The following ROBO1 variants were observed in gnomAD, a reference collection of about 807,000 sequenced individuals.
The protein encoded by ROBO1 is roundabout homolog 1.
A neutral mutation model predicts 195.9 loss-of-function variants in ROBO1; 149 were observed. The observed-to-expected ratio is 0.76, with a 90% CI of 0.67 to 0.87. The LOEUF is 0.87. Ranked by LOEUF, ROBO1 falls within the 40% of genes least tolerant of loss-of-function variation. ROBO1 has a pLI of 0.00. For missense variants in ROBO1, 1,933 were observed against 2,068.3 expected (o/e 0.93, Z 1.27); for synonymous variants, 816 against 733.2 (o/e 1.11, Z -1.82).
intron 8 of ROBO1, chr3:78,693,454 T>C (rs957146820): frequency 1.4e-5 from 12 of 878,842 alleles, no homozygotes; most frequent in Non-Finnish European, 2.2e-5. Flanking sequence ...CAATGATTCT[T>C]CTTTTAAGAT....
At chr3:79,602,303 G>T (rs1230427213) in intron 1 of ROBO1, among the ~76,000 whole-genome samples, 1 of 151,984 alleles carries the variant, frequency 6.6e-6, no homozygotes, top group Non-Finnish European at 1.5e-5. Flanking sequence ...GCACAAAGAT[G>T]TAACAAAAAG....
At chr3:78,885,732 A>G (rs1310018778) in intron 4 of ROBO1, among the ~76,000 whole-genome samples, 2 of 151,258 alleles carry the variant, frequency 1.3e-5, no homozygotes, top group African/African-American at 4.8e-5. Flanking sequence ...TCACATGTGT[A>G]ATAGCAGACA....
chr3:79,351,230 T>C (rs1447682788), intron 2 of ROBO1, among the ~76,000 whole-genome samples: 8 of 152,192 alleles, frequency 5.3e-5, no homozygotes, highest in African/African-American at 1.7e-4. Flanking sequence ...CTTCAGGCAC[T>C]TCAAATATAT....
At chr3:79,470,689 G>T (rs1421163963) in intron 2 of ROBO1, among the ~76,000 whole-genome samples, 2 of 151,974 alleles carry the variant, frequency 1.3e-5, no homozygotes, top group East Asian at 3.9e-4. Context: ...AGTCTCAAGA[G>T]GTCTGATGGT....
chr3:79,517,556 T>C (rs1941004253), intron 2 of ROBO1, among the ~76,000 whole-genome samples: 1 of 152,194 alleles, frequency 6.6e-6, no homozygotes. Flanking sequence ...ACCTCCTTCA[T>C]ATCTGTGACT....
chr3:79,198,603 C>A (rs2081691568), intron 2 of ROBO1, among the ~76,000 whole-genome samples: 1 of 152,054 alleles, frequency 6.6e-6, no homozygotes, highest in Admixed American at 6.6e-5. Flanking sequence ...ATGGGGATAG[C>A]ATTGAATCTA....
chr3:78,859,537 C>T (rs1362934758), intron 4 of ROBO1, among the ~76,000 whole-genome samples: 1 of 151,732 alleles, frequency 6.6e-6, no homozygotes, highest in Non-Finnish European at 1.5e-5. Context: ...TAGAATAGGA[C>T]CAAGGGAATA....
At chr3:79,168,907 C>T (rs564284888) in intron 2 of ROBO1, among the ~76,000 whole-genome samples, 14 of 152,140 alleles carry the variant, frequency 9.2e-5, no homozygotes, top group African/African-American at 3.4e-4. Context: ...TAGGAAAATC[C>T]TAAATGAGAA....
chr3:78,734,835 T>C (rs1297249800), intron 5 of ROBO1, among the ~76,000 whole-genome samples: 1 of 152,140 alleles, frequency 6.6e-6, no homozygotes, highest in Non-Finnish European at 1.5e-5. Context: ...CTAGAAAATA[T>C]TTTGTCTGGC....
intron 5 of ROBO1, among the ~76,000 whole-genome samples, chr3:78,720,484 A>C (rs546813513): frequency 5.9e-5 from 9 of 152,322 alleles, no homozygotes; most frequent in South Asian, 2.1e-4. Context: ...GAACACTTTT[A>C]CACTGTTGGT....
intron 1 of ROBO1, among the ~76,000 whole-genome samples, chr3:79,759,479 C>A (rs552716757): frequency 2.6e-5 from 4 of 152,252 alleles, no homozygotes; most frequent in South Asian, 2.1e-4. Flanking sequence ...TAAGGTTTAC[C>A]TTTGCTATAG....
chr3:79,610,159 T>C (rs1437404345), intron 1 of ROBO1, among the ~76,000 whole-genome samples: 3 of 151,916 alleles, frequency 2.0e-5, no homozygotes, highest in African/African-American at 7.2e-5. Context: ...TCGTCTCTCT[T>C]TATCCGTGGG....
chr3:79,184,942 G>C (rs1424652911), intron 2 of ROBO1, among the ~76,000 whole-genome samples: 1 of 152,084 alleles, frequency 6.6e-6, no homozygotes, highest in African/African-American at 2.4e-5. Context: ...TTGAGTAGTG[G>C]AGAAGCATAG....
At chr3:78,629,883 G>A (rs990103760) in intron 25 of ROBO1, among the ~76,000 whole-genome samples, 6 of 152,140 alleles carry the variant, frequency 3.9e-5, no homozygotes, top group Non-Finnish European at 8.8e-5. Flanking sequence ...GATACACTTT[G>A]CTTTCTTGTG....
chr3:79,578,536 T>C (rs527309132), intron 2 of ROBO1, among the ~76,000 whole-genome samples: 95 of 152,306 alleles, frequency 6.2e-4, no homozygotes, highest in Non-Finnish European at 1.2e-3. Flanking sequence ...ATTACAGTTT[T>C]GAAAGTAAAG....
intron 5 of ROBO1, among the ~76,000 whole-genome samples, chr3:78,722,286 C>T (rs892820821): frequency 6.6e-6 from 1 of 152,120 alleles, no homozygotes; most frequent in African/African-American, 2.4e-5. Context: ...ACCCACCAGG[C>T]ATTTTACAAA....
At chr3:78,630,806 T>C (rs887093826) in intron 25 of ROBO1, among the ~76,000 whole-genome samples, 1 of 152,204 alleles carries the variant, frequency 6.6e-6, no homozygotes, top group African/African-American at 2.4e-5. Flanking sequence ...ATTCACACGA[T>C]TATCTTTCAA....
intron 2 of ROBO1, among the ~76,000 whole-genome samples, chr3:79,141,567 G>GTTTTTTTTTTT (rs11315738): frequency 7.2e-6 from 1 of 139,412 alleles, no homozygotes. Flanking sequence ...TGCTGTTGTT[G>GTTTTTTTTTTT]TTTTTTTTTT....
chr3:79,603,129 T>C (rs1393306247), intron 1 of ROBO1, among the ~76,000 whole-genome samples: 3 of 152,104 alleles, frequency 2.0e-5, no homozygotes, highest in East Asian at 1.9e-4. Flanking sequence ...CCCCATATTA[T>C]GTACTGCCTT....
Sources: allele counts gnomAD v4.1 joint callset (sites outside exome capture counted in the v4.1 genomes callset), GRCh38; gene constraint gnomAD v4.1.1; transcripts MANE v1.5; gene names NCBI Gene and HGNC (gene_info 2026-07-23, HGNC 2026-07-21).